Variants in HMBOX1 observed in about 807,000 individuals in gnomAD.
HMBOX1 encodes the protein homeobox containing 1.
A neutral mutation model predicts 54.5 loss-of-function variants in HMBOX1; 14 were observed. The observed-to-expected ratio is 0.26, with a 90% CI of 0.17 to 0.40. HMBOX1 has a LOEUF of 0.40. Ranked by LOEUF, HMBOX1 falls within the 10% of genes least tolerant of loss-of-function variation. The pLI, the probability that HMBOX1 is intolerant of heterozygous loss-of-function variation, is 1.00. For missense variants in HMBOX1, 332 were observed against 514.4 expected (o/e 0.65, Z 3.43); for synonymous variants, 160 against 181.0 (o/e 0.88, Z 0.93).
intron 4 of HMBOX1, among the ~76,000 whole-genome samples, chr8:28,998,360 A>T (rs1198866016): frequency 6.6e-6 from 1 of 152,090 alleles, no homozygotes; most frequent in East Asian, 1.9e-4. Context: ...GTACATTTAT[A>T]GTTATATCTT....
chr8:28,930,336 T>C (rs980141664), intron 1 of HMBOX1, among the ~76,000 whole-genome samples: 7 of 152,198 alleles, frequency 4.6e-5, no homozygotes, highest in African/African-American at 1.7e-4. Context: ...CTGCTGTCAC[T>C]TTAACCTGGG....
intron 1 of HMBOX1, among the ~76,000 whole-genome samples, chr8:28,956,993 C>T (rs1039198934): frequency 3.9e-5 from 6 of 152,114 alleles, no homozygotes; most frequent in South Asian, 2.1e-4. Flanking sequence ...AAACAACAGA[C>T]GTTGGCAAGG....
chr8:28,902,341 C>T (rs1813386085), intron 1 of HMBOX1, among the ~76,000 whole-genome samples: 1 of 152,036 alleles, frequency 6.6e-6, no homozygotes, highest in African/African-American at 2.4e-5. Context: ...TTTCCCATCC[C>T]TCCTTCATTT....
intron 1 of HMBOX1, among the ~76,000 whole-genome samples, chr8:28,945,015 A>C (rs552912302): frequency 2.6e-4 from 40 of 152,106 alleles, no homozygotes; most frequent in Non-Finnish European, 4.9e-4. Flanking sequence ...TGATTCTGCA[A>C]ACTCCCCCAC....
chr8:29,046,664 G>A (rs977942640), intron 7 of HMBOX1, among the ~76,000 whole-genome samples: 3 of 152,212 alleles, frequency 2.0e-5, no homozygotes, highest in African/African-American at 7.2e-5. Context: ...GTAAATTTCT[G>A]TTGTCTGGAT....
At position 29,051,564 on chromosome 8, in the gene HMBOX1, G is replaced by A. The variant is rs908872846; in HGVS notation, c.*409G>A. 4.3e-6 allele frequency: 3 copies of A among 702,888 alleles called. No homozygotes were observed. The highest frequency in any genetic ancestry group is 2.0e-5 in the Admixed American group (1 of 49,998). The allele number at this position is 702,888 out of a possible 1,614,324, so 43.5% of individuals were successfully genotyped here. A position where few individuals can be genotyped will look rare whatever the true frequency, so the allele number is the denominator to read the frequency against. Reference sequence around the variant, plus strand: ...TTTCCTTCCCCAAGACTGATAGGATGCAAGCTGAGGTCGTGGCACAGGAAT... The same window carrying A: ...TTTCCTTCCCCAAGACTGATAGGATACAAGCTGAGGTCGTGGCACAGGAAT... On this transcript the variant is annotated 3_prime_UTR_variant, in exon 10 of 10. Transcript: ENST00000287701.
chr8:28,973,818 T>TTTGTTTTTGTTTTTG (rs1827902506), intron 3 of HMBOX1, among the ~76,000 whole-genome samples: 1 of 128,746 alleles, frequency 7.8e-6, no homozygotes, highest in African/African-American at 3.3e-5. Flanking sequence ...TTTTTTTTTT[T>TTTGTTTTTGTTTTTG]TTTTTTTTTT....
At chr8:28,900,197 G>A (rs1317817240) in intron 1 of HMBOX1, among the ~76,000 whole-genome samples, 1 of 147,492 alleles carries the variant, frequency 6.8e-6, no homozygotes, top group East Asian at 2.0e-4. Flanking sequence ...AGAGGTTGCA[G>A]TGAGCTGAGA....
At chr8:28,935,679 A>G (rs902917757) in intron 1 of HMBOX1, among the ~76,000 whole-genome samples, 8 of 152,322 alleles carry the variant, frequency 5.3e-5, no homozygotes, top group African/African-American at 1.7e-4. Context: ...GAGAATATTG[A>G]TAAATTCCAT....
At chr8:28,976,141 T>C (rs1240712429) in intron 3 of HMBOX1, among the ~76,000 whole-genome samples, 4 of 152,220 alleles carry the variant, frequency 2.6e-5, no homozygotes, top group Non-Finnish European at 5.9e-5. Context: ...CTTTTAATGC[T>C]ACCTTAAAGT....
intron 1 of HMBOX1, among the ~76,000 whole-genome samples, chr8:28,945,495 C>G (rs1822266669): frequency 6.6e-6 from 1 of 152,148 alleles, no homozygotes; most frequent in Non-Finnish European, 1.5e-5. Context: ...TGGTTGAAAA[C>G]CATTGCATTA....
At chr8:29,050,187 G>GC (rs1806233252) in intron 9 of HMBOX1, 1 of 978,020 alleles carries the variant, frequency 1.0e-6, no homozygotes, top group Non-Finnish European at 1.2e-6. Context: ...TGTTTTGTTT[G>GC]TTTTTTTCCT....
chr8:29,038,689 T>C (rs1804324284), intron 6 of HMBOX1, among the ~76,000 whole-genome samples: 1 of 152,234 alleles, frequency 6.6e-6, no homozygotes, highest in African/African-American at 2.4e-5. Flanking sequence ...CTTTCCTTTC[T>C]ATGTCCAGGC....
At chr8:28,895,856 A>G (rs903739061) in intron 1 of HMBOX1, among the ~76,000 whole-genome samples, 2 of 151,964 alleles carry the variant, frequency 1.3e-5, no homozygotes, top group Non-Finnish European at 2.9e-5. Context: ...TCATATCTTC[A>G]TCCTTTCTGG....
At chr8:28,974,180 A>C (rs1021758398) in intron 3 of HMBOX1, among the ~76,000 whole-genome samples, 2 of 152,174 alleles carry the variant, frequency 1.3e-5, no homozygotes, top group African/African-American at 4.8e-5. Flanking sequence ...CTCATTAAGA[A>C]ACAATGAAAA....
intron 4 of HMBOX1, among the ~76,000 whole-genome samples, chr8:28,991,000 CGTT>C (rs144075718): frequency 1.5e-3 from 232 of 152,258 alleles, no homozygotes; most frequent in Middle Eastern, 3.4e-3. Flanking sequence ...ATCATAATAA[CGTT>C]GGCCTCATGA....
chr8:28,917,431 C>T (rs1006509992), intron 1 of HMBOX1, among the ~76,000 whole-genome samples: 9 of 151,968 alleles, frequency 5.9e-5, no homozygotes, highest in East Asian at 3.9e-4. Flanking sequence ...TAAATTCATA[C>T]GTTAGTTTGA....
intron 1 of HMBOX1, among the ~76,000 whole-genome samples, chr8:28,917,310 T>C (rs1002980909): frequency 6.6e-6 from 1 of 152,208 alleles, no homozygotes; most frequent in African/African-American, 2.4e-5. Flanking sequence ...AAATATTTTA[T>C]GATTTTGGTG....
intron 6 of HMBOX1, among the ~76,000 whole-genome samples, chr8:29,030,010 G>A (rs1802676677): frequency 6.6e-6 from 1 of 150,984 alleles, no homozygotes; most frequent in East Asian, 1.9e-4. Context: ...TGGTACTTTA[G>A]TTTGCCAAAA....
Sources: allele counts gnomAD v4.1 joint callset (sites outside exome capture counted in the v4.1 genomes callset), GRCh38; gene constraint gnomAD v4.1.1; transcripts MANE v1.5; gene names NCBI Gene and HGNC (gene_info 2026-07-23, HGNC 2026-07-21).